The following DEPDC5 variants were observed in gnomAD, a reference collection of about 807,000 sequenced individuals.
The protein encoded by DEPDC5 is GATOR1 complex protein DEPDC5.
DEPDC5 carries 73 observed loss-of-function variants against 217.3 expected under a neutral mutation model. The observed-to-expected ratio is 0.34, with a 90% CI of 0.28 to 0.41. The LOEUF is 0.41. DEPDC5 is among the 10% of genes least tolerant of loss of function. DEPDC5 has a pLI of 1.00. For synonymous variants in DEPDC5, 733 were observed against 756.7 expected, an observed-to-expected ratio of 0.97 and a Z score of 0.51; for missense variants, 1,675 against 2,070.1, an observed-to-expected ratio of 0.81 and a Z score of 3.70.
At chr22:31,798,708 G>A in intron 14 of DEPDC5, 52 bp downstream of exon 14, 2 of 1,571,762 alleles carry the variant, frequency 1.3e-6, no homozygotes, top group Non-Finnish European at 1.7e-6. Context: ...ACATGGCTAT[G>A]TTACCGGAAA....
At chr22:31,868,670 A>G (rs1314566770) in intron 33 of DEPDC5, among the ~76,000 whole-genome samples, 1 of 151,902 alleles carries the variant, frequency 6.6e-6, no homozygotes, top group Non-Finnish European at 1.5e-5. Flanking sequence ...CAAGTGATCC[A>G]CTCGCCTTCG....
rs940878757 is a variant in DEPDC5, at chr22:31,773,758, T to C, written c.414-4341T>C. On this transcript the variant is annotated intron_variant, in intron 7 of 42. Coordinates refer to ENST00000651528, the MANE Select transcript of DEPDC5 (RefSeq NM_001242896.3). ...AATTTCCCTGCAATTTAACTTTCAA[T>C]CTGGTAATAGTTACATAGTTAAGAA... Among the ~76,000 whole-genome samples the C allele has an allele frequency of 3.3e-5, 5 of 152,176 alleles. No individual in the cohort carries two copies. The East Asian group carries it at 9.6e-4, about 29-fold the overall frequency.
chr22:31,802,233 A>AT (rs2086948926), intron 14 of DEPDC5, among the ~76,000 whole-genome samples: 1 of 146,874 alleles, frequency 6.8e-6, no homozygotes, highest in Non-Finnish European at 1.5e-5. Context: ...GGTTCAAGTG[A>AT]TTCTCCCATC....
In DEPDC5 at chr22:31,836,468, C is replaced by T. The variant is rs1183773104; in HGVS notation, c.2171-504C>T. Among the ~76,000 whole-genome samples the T allele has an allele frequency of 2.0e-5, 3 of 152,126 alleles. No homozygotes were observed. In the East Asian group the frequency reaches 5.8e-4, roughly 29 times the overall value. The stretch of plus-strand genomic sequence containing the variant: ...CCCAGATATCCTTACTTGATTTTTC[C>T]TCCCACCCTTTTGAATCTGTTACTT... On this transcript the variant is annotated intron_variant, in intron 25 of 42. Transcript: ENST00000651528.
chr22:31,817,479 T>C (rs1305340673), intron 21 of DEPDC5: 2 of 474,414 alleles, frequency 4.2e-6, no homozygotes, highest in East Asian at 6.0e-5. Flanking sequence ...AGCAGTTTCA[T>C]GGGTGGTTTC....
intron 31 of DEPDC5, among the ~76,000 whole-genome samples, chr22:31,854,946 T>TG (rs1271343452): frequency 6.6e-6 from 1 of 151,746 alleles, no homozygotes. Flanking sequence ...AGGACTTAAT[T>TG]GAGTCTTGCT....
chr22:31,904,669 G>T (rs574590438), intron 41 of DEPDC5, among the ~76,000 whole-genome samples: 38 of 152,152 alleles, frequency 2.5e-4, no homozygotes, highest in Non-Finnish European at 4.4e-4. Context: ...GCTTGAACCC[G>T]GGAGGTGGAG....
chr22:31,895,725 A>G (rs941990075), intron 39 of DEPDC5, among the ~76,000 whole-genome samples: 1 of 151,946 alleles, frequency 6.6e-6, no homozygotes, highest in Admixed American at 6.6e-5. Context: ...TCATAGGCTA[A>G]GTTTTGTCCC....
chr22:31,795,983 G>T (rs1232143229), intron 12 of DEPDC5, among the ~76,000 whole-genome samples: 2 of 152,056 alleles, frequency 1.3e-5, no homozygotes, highest in African/African-American at 4.8e-5. Flanking sequence ...CCCCACCTTG[G>T]CCTCTCCAAG....
chr22:31,852,479 T>G (rs58244423), intron 31 of DEPDC5, among the ~76,000 whole-genome samples: 3,341 of 152,186 alleles, frequency 0.022, 38 homozygotes, highest in Middle Eastern at 0.034. Flanking sequence ...AAGCTGGGAT[T>G]ACAGGCATGC....
rs2091496196 is a variant in DEPDC5 at position 31,843,083 on chromosome 22, T to G, written c.2516-12T>G. On this transcript the variant is annotated splice_polypyrimidine_tract_variant and intron_variant, in intron 27 of 42. Coordinates refer to ENST00000651528, the MANE Select transcript of DEPDC5 (RefSeq NM_001242896.3). ...TTCAAACAGATGGAGGAAATTATTATTTTTCTGTTAGGCCTTGTGTCCCGA... is the reference window on the plus strand; with the variant it reads ...TTCAAACAGATGGAGGAAATTATTAGTTTTCTGTTAGGCCTTGTGTCCCGA... 6.3e-7 allele frequency: 1 copy of G among 1,598,360 alleles called. No homozygotes were observed. The highest frequency in any genetic ancestry group is 1.7e-5 in the Admixed American group (1 of 58,968).
At chr22:31,767,381 G>C (rs5998119) in intron 6 of DEPDC5, among the ~76,000 whole-genome samples, 7 of 150,970 alleles carry the variant, frequency 4.6e-5, no homozygotes, top group Non-Finnish European at 4.4e-5. Context: ...CCACAACCTC[G>C]GCCTTCCTGG....
chr22:31,776,301 A>G (rs2083849172), intron 7 of DEPDC5, among the ~76,000 whole-genome samples: 1 of 151,832 alleles, frequency 6.6e-6, no homozygotes, highest in Non-Finnish European at 1.5e-5. Flanking sequence ...TTATAGCGAC[A>G]GGGTCTCACT....
chr22:31,760,954 A>G (rs144093245), intron 4 of DEPDC5, among the ~76,000 whole-genome samples: 45 of 152,164 alleles, frequency 3.0e-4, no homozygotes, highest in African/African-American at 9.9e-4. Flanking sequence ...GATACAGATA[A>G]AGAATGTTGT....
chr22:31,885,308 G>A (rs1356164898), intron 38 of DEPDC5, among the ~76,000 whole-genome samples: 2 of 152,158 alleles, frequency 1.3e-5, no homozygotes, highest in African/African-American at 4.8e-5. Context: ...TTCCATCTGT[G>A]TCTGGTGTCC....
chr22:31,869,315 G>C (rs1473138613), intron 33 of DEPDC5, among the ~76,000 whole-genome samples: 1 of 152,036 alleles, frequency 6.6e-6, no homozygotes, highest in Non-Finnish European at 1.5e-5. Context: ...TAGAGGTCCA[G>C]AGTAGAGAGG....
chr22:31,879,466 T>A (rs2093114022), intron 37 of DEPDC5, 59 bp from the exon 38 acceptor site: 2 of 1,503,752 alleles, frequency 1.3e-6, no homozygotes, highest in South Asian at 2.3e-5. Context: ...GTAGCATGCA[T>A]CATGAAGAAA....
Position 31,804,724 on chromosome 22 carries a change from C to T in DEPDC5, c.1144-118C>T. On this transcript the variant is annotated intron_variant, in intron 16 of 42. Coordinates refer to ENST00000651528, the MANE Select transcript of DEPDC5 (RefSeq NM_001242896.3). ...CAAATTGCTGGGATTACAGGCATGA[C>T]CCACAGCGCCCAGCCCTAAAAAATT... is the stretch of plus-strand genomic sequence containing the variant. The T allele has an allele frequency of 6.3e-6, 6 of 953,588 alleles. No individual in the cohort carries two copies. In the South Asian group the frequency reaches 9.2e-5, roughly 15 times the overall value. 59.1% of individuals were successfully genotyped at this position (953,588 alleles called of 1,614,324 possible).
intron 31 of DEPDC5, among the ~76,000 whole-genome samples, chr22:31,852,234 C>T (rs900150345): frequency 6.6e-6 from 1 of 152,060 alleles, no homozygotes; most frequent in Non-Finnish European, 1.5e-5. Context: ...ATAATAAATT[C>T]CTGCTTACCC....
Sources: allele counts gnomAD v4.1 joint callset (sites outside exome capture counted in the v4.1 genomes callset), GRCh38; gene constraint gnomAD v4.1.1; transcripts MANE v1.5; gene names NCBI Gene and HGNC (gene_info 2026-07-23, HGNC 2026-07-21).